The following RAP1GAP2 variants were observed in gnomAD, a reference collection of about 807,000 sequenced individuals.
RAP1GAP2 encodes RAP1 GTPase activating protein 2, also known as rap1 GTPase-activating protein 2.
Under a neutral mutation model 95.0 loss-of-function variants are expected in RAP1GAP2, and 27 were observed. The observed-to-expected ratio is 0.28, with a 90% CI of 0.21 to 0.39. The LOEUF is 0.39. Ranked by LOEUF, RAP1GAP2 falls within the 10% of genes least tolerant of loss-of-function variation. The pLI is 1.00. For missense variants in RAP1GAP2, 771 were observed against 970.0 expected, an observed-to-expected ratio of 0.79 and a Z score of 2.72; for synonymous variants, 373 against 380.9, an observed-to-expected ratio of 0.98 and a Z score of 0.24.
chr17:3,026,996 G>A lies in RAP1GAP2; in HGVS notation c.2033G>A (p.Ser678Asn). 11 of 1,559,342 alleles carry A rather than the reference G, an allele frequency of 7.1e-6. No individual in the cohort carries two copies. Among genetic ancestry groups the A allele is most frequent in the Non-Finnish European group, 8.7e-6 (10 of 1,151,612 alleles). The change falls in exon 22 of 25, where the codon AGC becomes AAC. Residue 678 changes from serine to asparagine, a missense_variant. Transcript: ENST00000254695. Reference sequence around the variant, plus strand: ...TTCAAGCAGGAGGTGTTTGTCTACAGCCCGTCCCCGAGCAGCGAGAGCCCC... The same window carrying A: ...TTCAAGCAGGAGGTGTTTGTCTACAACCCGTCCCCGAGCAGCGAGAGCCCC... The part of the protein sequence containing the change: ...SPFKQEVFVY[S>N]PSPSSESPSL...
At chr17:2,893,705 C>A (rs1333952549) in intron 2 of RAP1GAP2, among the ~76,000 whole-genome samples, 1 of 152,206 alleles carries the variant, frequency 6.6e-6, no homozygotes, top group African/African-American at 2.4e-5. Flanking sequence ...CTGACCATGA[C>A]GCTGCTCCCC....
intron 19 of RAP1GAP2, among the ~76,000 whole-genome samples, chr17:3,022,746 A>G (rs1481518388): frequency 6.6e-6 from 1 of 152,078 alleles, no homozygotes; most frequent in Non-Finnish European, 1.5e-5. Context: ...ATGTAATCCC[A>G]TTTGTCTATT....
intron 2 of RAP1GAP2, among the ~76,000 whole-genome samples, chr17:2,852,891 C>T (rs957195264): frequency 2.0e-5 from 3 of 152,218 alleles, no homozygotes; most frequent in African/African-American, 7.2e-5. Context: ...TCCGACCTTC[C>T]GACCTTCCGC....
At position 3,035,023 on chromosome 17, in the gene RAP1GAP2, C is replaced by T. The variant is rs1400534730; in HGVS notation, c.*1662C>T. Reference sequence around the variant, plus strand: ...TGACATTGTGAAATTCTCCCTATAGCTTTTGCCATTCAAGCAACATTGTGA... The same window carrying T: ...TGACATTGTGAAATTCTCCCTATAGTTTTTGCCATTCAAGCAACATTGTGA... On this transcript the variant is annotated 3_prime_UTR_variant, in exon 25 of 25. Transcript: ENST00000254695. This position sits in a 1 kb window ranked among gnomAD's most constrained non-coding sequence, Gnocchi z 4.3. 5 of 147,058 alleles carry T rather than the reference C, an allele frequency of 3.4e-5. No homozygotes were observed. Among genetic ancestry groups the T allele is most frequent in the Non-Finnish European group, 7.4e-5 (5 of 67,284 alleles). The allele number at this position is 147,058 out of a possible 1,614,324, so 9.1% of individuals were successfully genotyped here. A position where few individuals can be genotyped will look rare whatever the true frequency, so the allele number is the denominator to read the frequency against.
intron 3 of RAP1GAP2, among the ~76,000 whole-genome samples, chr17:2,949,515 T>C (rs975085076): frequency 1.5e-4 from 22 of 151,224 alleles, no homozygotes; most frequent in Non-Finnish European, 3.1e-4. Flanking sequence ...GTGCCTGCTG[T>C]ATGCCCTGAG....
At chr17:2,821,529 C>A (rs2070305857) in intron 2 of RAP1GAP2, among the ~76,000 whole-genome samples, 1 of 152,050 alleles carries the variant, frequency 6.6e-6, no homozygotes, top group African/African-American at 2.4e-5. Flanking sequence ...CATCTGCCAC[C>A]ATGCCTGGCT....
At chr17:2,980,511 A>G (rs1173462894) in intron 9 of RAP1GAP2, 146 bp downstream of exon 9, 5 of 785,530 alleles carry the variant, frequency 6.4e-6, no homozygotes, top group Non-Finnish European at 4.3e-6. Context: ...CTGCACTGAT[A>G]GGGGTCTGGG....
chr17:2,798,853 A>AGG (rs1199045946), intron 1 of RAP1GAP2, among the ~76,000 whole-genome samples: 43 of 152,296 alleles, frequency 2.8e-4, no homozygotes, highest in South Asian at 1.9e-3. Context: ...TGCTGTGACC[A>AGG]CGGTGCCTGT....
At chr17:2,886,179 T>A (rs796451945) in intron 2 of RAP1GAP2, among the ~76,000 whole-genome samples, 11,651 of 145,932 alleles carry the variant, frequency 0.08, 695 homozygotes, top group Non-Finnish European at 0.11. Context: ...ATATTTTTTT[T>A]TTTTTTTTTT....
chr17:2,998,026 C>T (rs939034520), intron 13 of RAP1GAP2, among the ~76,000 whole-genome samples, 195 bp from the exon 14 acceptor site: 5 of 152,112 alleles, frequency 3.3e-5, no homozygotes, highest in African/African-American at 1.2e-4. Flanking sequence ...GAAGCGTGTT[C>T]CATGCACTTC....
At chr17:2,960,873 C>T (rs752062036) in intron 4 of RAP1GAP2, among the ~76,000 whole-genome samples, 3 of 152,226 alleles carry the variant, frequency 2.0e-5, no homozygotes, top group East Asian at 1.9e-4. Flanking sequence ...GGAAACACCA[C>T]GTGTTCCCCT....
chr17:2,858,036 G>A (rs2151611185), intron 2 of RAP1GAP2, among the ~76,000 whole-genome samples: 1 of 152,220 alleles, frequency 6.6e-6, no homozygotes, highest in Non-Finnish European at 1.5e-5. Flanking sequence ...GGAGGCTGAG[G>A]TTGCAGTGAG....
chr17:2,897,997 T>G (rs2151714153), intron 2 of RAP1GAP2, among the ~76,000 whole-genome samples: 1 of 151,268 alleles, frequency 6.6e-6, no homozygotes, highest in Middle Eastern at 3.4e-3. Flanking sequence ...TACGGCTCAC[T>G]GTAGCCTTGA....
chr17:2,806,038 T>C (rs1040579492), intron 2 of RAP1GAP2, among the ~76,000 whole-genome samples: 5 of 152,160 alleles, frequency 3.3e-5, no homozygotes, highest in Non-Finnish European at 7.4e-5. Context: ...AAGCCCATGA[T>C]GGGACCTGGG....
Position 2,800,516 on chromosome 17 carries a change from A to G in RAP1GAP2, c.46A>G (p.Ile16Val). ...RSVSFGGFGW[I>V]DKTMLASLKV... ...GAGCCCTTGCTTTTCTCTTGGCAGGATCGACAAGACCATGCTGGCAAGTCT... is the reference window on the plus strand; with the variant it reads ...GAGCCCTTGCTTTTCTCTTGGCAGGGTCGACAAGACCATGCTGGCAAGTCT... The change falls in exon 2 of 25, where the codon ATC (isoleucine) becomes GTC (valine). Residue 16 changes from isoleucine (I) to valine (V), a missense_variant and splice_region_variant. Coordinates refer to ENST00000254695, the MANE Select transcript of RAP1GAP2 (RefSeq NM_015085.5). The G allele has an allele frequency of 6.2e-7, 1 of 1,612,760 alleles. No homozygotes were observed. The highest frequency in any genetic ancestry group is 1.1e-5 in the South Asian group (1 of 90,742).
intron 1 of RAP1GAP2, among the ~76,000 whole-genome samples, chr17:2,767,305 T>G (rs1470309237): frequency 1.5e-5 from 2 of 129,128 alleles, no homozygotes; most frequent in African/African-American, 6.0e-5. Flanking sequence ...GAGGTTGCAG[T>G]GAGTTGAGAT....
chr17:3,010,336 C>CAAAAAAAAAAAAA (rs1179623628), intron 17 of RAP1GAP2, among the ~76,000 whole-genome samples: 1 of 70,276 alleles, frequency 1.4e-5, no homozygotes, highest in East Asian at 4.0e-4. Flanking sequence ...GAGACTGTCT[C>CAAAAAAAAAAAAA]AAAAAAAAAA....
intron 3 of RAP1GAP2, among the ~76,000 whole-genome samples, chr17:2,921,188 G>A (rs1049359384): frequency 3.3e-5 from 5 of 151,224 alleles, no homozygotes; most frequent in Non-Finnish European, 7.4e-5. Flanking sequence ...AAGGATAAAA[G>A]GAATTTCTTA....
In RAP1GAP2 at chr17:2,957,845, G is replaced by C. The variant is rs2044178072; in HGVS notation, c.201+51G>C. ...GGGAAGAAGCCCAGCCCCAGATGTG[G>C]GTGGCATAGGGACCAGGCAGAACCC... is the stretch of plus-strand genomic sequence containing the variant. On this transcript the variant is annotated intron_variant, in intron 4 of 24. Transcript: ENST00000254695. 3.3e-6 allele frequency: 5 copies of C among 1,532,288 alleles called. No individual in the cohort carries two copies. In the South Asian group the frequency reaches 6.0e-5, roughly 19 times the overall value. The allele number at this position is 1,532,288 out of a possible 1,614,324, so 94.9% of individuals were successfully genotyped here.
Sources: allele counts gnomAD v4.1 joint callset (sites outside exome capture counted in the v4.1 genomes callset), GRCh38; gene constraint gnomAD v4.1.1; non-coding constraint Gnocchi (gnomAD v3.1); transcripts MANE v1.5; gene names NCBI Gene and HGNC (gene_info 2026-07-23, HGNC 2026-07-21).